The following TSHZ2 variants were observed in gnomAD, a reference collection of about 807,000 sequenced individuals.
The protein encoded by TSHZ2 is teashirt homolog 2.
In TSHZ2, 21 loss-of-function variants were observed where a neutral mutation model predicts 74.4. The observed-to-expected ratio is 0.28, with a 90% CI of 0.20 to 0.41. The LOEUF is 0.41. TSHZ2 is among the 10% of genes least tolerant of loss of function. TSHZ2 has a pLI of 1.00. For missense variants in TSHZ2, 1,244 were observed against 1,293.5 expected (o/e 0.96, Z 0.59); for synonymous variants, 540 against 515.3 (o/e 1.05, Z -0.65).
intron 1 of TSHZ2, among the ~76,000 whole-genome samples, chr20:53,234,229 T>C (rs140850191): frequency 5.3e-4 from 81 of 152,278 alleles, no homozygotes; most frequent in African/African-American, 1.9e-3. Context: ...AAATAGAAGG[T>C]AGGTGCAAAC....
intron 2 of TSHZ2, among the ~76,000 whole-genome samples, chr20:53,308,387 C>T (rs895839791): frequency 1.3e-5 from 2 of 151,888 alleles, no homozygotes; most frequent in South Asian, 2.1e-4. Flanking sequence ...GTAATCCTGC[C>T]GTGTTGAAAG....
chr20:53,270,903 G>T (rs1028403692), intron 2 of TSHZ2, among the ~76,000 whole-genome samples: 2 of 151,896 alleles, frequency 1.3e-5, no homozygotes, highest in African/African-American at 4.8e-5. Context: ...ATCTTTAATT[G>T]TTTATGACTA....
intron 1 of TSHZ2, among the ~76,000 whole-genome samples, chr20:53,158,257 C>G (rs562881324): frequency 6.6e-6 from 1 of 152,150 alleles, no homozygotes; most frequent in African/African-American, 2.4e-5. Context: ...TGTGCAGAAC[C>G]TATGGGACTT....
chr20:53,164,204 C>G (rs1305686960), intron 1 of TSHZ2, among the ~76,000 whole-genome samples: 1 of 151,964 alleles, frequency 6.6e-6, no homozygotes, highest in African/African-American at 2.4e-5. Context: ...GCTTGGATTA[C>G]TGGATCAAAG....
chr20:53,275,047 A>G (rs1412657563), intron 2 of TSHZ2, among the ~76,000 whole-genome samples: 1 of 152,110 alleles, frequency 6.6e-6, no homozygotes, highest in East Asian at 1.9e-4. Context: ...CACGGCTTAT[A>G]TTGGAAAGGT....
At chr20:53,240,759 A>ATAGATAGG (rs1555839643) in intron 1 of TSHZ2, among the ~76,000 whole-genome samples, 67 of 152,096 alleles carry the variant, frequency 4.4e-4, no homozygotes, top group African/African-American at 1.5e-3. Context: ...AGATAGATAG[A>ATAGATAGG]TAGATAGATA....
At chr20:53,101,697 T>C (rs550210079) in intron 1 of TSHZ2, among the ~76,000 whole-genome samples, 1 of 152,340 alleles carries the variant, frequency 6.6e-6, no homozygotes, top group East Asian at 1.9e-4. Flanking sequence ...GGTTCTTTGC[T>C]AATATACTTT....
At chr20:53,068,064 CTG>C (rs956748688) in intron 1 of TSHZ2, among the ~76,000 whole-genome samples, 1 of 152,162 alleles carries the variant, frequency 6.6e-6, no homozygotes, top group Non-Finnish European at 1.5e-5. Flanking sequence ...CTTTTGGTGT[CTG>C]TGTCCAAATT....
In TSHZ2 at chr20:53,084,598, C is replaced by CGGT. The variant is rs1555823122; in HGVS notation, c.40+111265_40+111266insGGT. Among the ~76,000 whole-genome samples, 158 of 146,230 alleles carry CGGT rather than the reference C, an allele frequency of 1.1e-3. 3 individuals are homozygous for CGGT. Among genetic ancestry groups the CGGT allele is most frequent in the Non-Finnish European group, 1.9e-3 (125 of 67,218 alleles). ...TTTAAAAATTTATTCATCCTTTCCT[C>CGGT]TGTTTTTCTTCCTTTCCAACCAAAC... On this transcript the variant is annotated intron_variant, in intron 1 of 2. Transcript: ENST00000371497.
chr20:53,423,297 T>A (rs1426871611), intron 2 of TSHZ2, among the ~76,000 whole-genome samples: 1 of 151,976 alleles, frequency 6.6e-6, no homozygotes, highest in Non-Finnish European at 1.5e-5. Context: ...GGCAGGAGAA[T>A]CACTTGAGCC....
At chr20:53,007,277 G>A (rs895598949) in intron 1 of TSHZ2, among the ~76,000 whole-genome samples, 4 of 152,184 alleles carry the variant, frequency 2.6e-5, no homozygotes, top group Non-Finnish European at 4.4e-5. Flanking sequence ...CAGGTGCATG[G>A]ACAGAGGAAG....
chr20:53,162,049 T>A, intron 1 of TSHZ2, among the ~76,000 whole-genome samples: 1 of 152,228 alleles, frequency 6.6e-6, no homozygotes, highest in East Asian at 1.9e-4. Flanking sequence ...TCAACCCTTG[T>A]CATCTGCCTC....
At chr20:53,135,007 G>GACAC (rs139347142) in intron 1 of TSHZ2, among the ~76,000 whole-genome samples, 18,007 of 148,496 alleles carry the variant, frequency 0.12, 1,143 homozygotes, top group East Asian at 0.2. Flanking sequence ...TGCACATGCA[G>GACAC]ACACACACAC....
At chr20:53,091,715 G>A (rs1486876190) in intron 1 of TSHZ2, among the ~76,000 whole-genome samples, 2 of 152,128 alleles carry the variant, frequency 1.3e-5, no homozygotes, top group Non-Finnish European at 2.9e-5. Flanking sequence ...CTCCATTATA[G>A]TGTACTTCAG....
intron 1 of TSHZ2, among the ~76,000 whole-genome samples, chr20:53,122,474 T>C (rs894077748): frequency 3.3e-5 from 5 of 152,120 alleles, no homozygotes; most frequent in Non-Finnish European, 4.4e-5. Context: ...TAATTTCTAT[T>C]TCTATCAGGG....
At chr20:53,069,401 C>T (rs993825730) in intron 1 of TSHZ2, among the ~76,000 whole-genome samples, 1 of 152,018 alleles carries the variant, frequency 6.6e-6, no homozygotes, top group Non-Finnish European at 1.5e-5. Flanking sequence ...TCCATCTGTC[C>T]CGTATGCAGC....
intron 1 of TSHZ2, among the ~76,000 whole-genome samples, chr20:52,986,922 TTG>T (rs369192422): frequency 5.0e-4 from 76 of 151,194 alleles, no homozygotes; most frequent in African/African-American, 1.6e-3. Flanking sequence ...TTTGTGTGTT[TTG>T]TGTGTGTGTG....
At chr20:53,236,456 C>A (rs1461137016) in intron 1 of TSHZ2, among the ~76,000 whole-genome samples, 1 of 152,214 alleles carries the variant, frequency 6.6e-6, no homozygotes, top group Non-Finnish European at 1.5e-5. Context: ...TGTCTAGGAA[C>A]ACACATTGCA....
intron 1 of TSHZ2, among the ~76,000 whole-genome samples, chr20:53,006,916 G>A (rs1043154982): frequency 1.6e-5 from 2 of 128,774 alleles, no homozygotes; most frequent in Non-Finnish European, 3.5e-5. Flanking sequence ...GTAGGAGTTG[G>A]GAGAGTTAGA....
Sources: allele counts gnomAD v4.1 joint callset (sites outside exome capture counted in the v4.1 genomes callset), GRCh38; gene constraint gnomAD v4.1.1; transcripts MANE v1.5; gene names NCBI Gene and HGNC (gene_info 2026-07-23, HGNC 2026-07-21).